Variants in FIG4 observed in about 807,000 individuals in gnomAD.
FIG4 encodes the protein polyphosphoinositide phosphatase.
FIG4 carries 112 observed loss-of-function variants against 118.6 expected under a neutral mutation model. That is an observed-to-expected ratio of 0.94 (90% confidence interval 0.81 to 1.11). The LOEUF (loss-of-function observed/expected upper bound fraction) is 1.11, where lower values mean the gene tolerates loss of function less well. Ranked by LOEUF, FIG4 falls within the 50% of genes least tolerant of loss-of-function variation. The pLI is 0.00. For missense variants in FIG4, 969 were observed against 1,111.7 expected (o/e 0.87, Z 1.83); for synonymous variants, 369 against 381.2 (o/e 0.97, Z 0.37).
chr6:109,709,318 T>C (rs1414579748), intron 1 of FIG4, among the ~76,000 whole-genome samples: 1 of 152,228 alleles, frequency 6.6e-6, no homozygotes, highest in Non-Finnish European at 1.5e-5. Context: ...TCTATTGGTC[T>C]GCGTGTCTGT....
chr6:109,820,516 A>C (rs746590250), intron 22 of FIG4, among the ~76,000 whole-genome samples: 69 of 152,022 alleles, frequency 4.5e-4, no homozygotes, highest in Non-Finnish European at 7.6e-4. Context: ...GTGGGAGTTG[A>C]GCTGGGAAAG....
intron 17 of FIG4, 102 bp from the exon 18 acceptor site, chr6:109,786,200 C>T: frequency 9.7e-7 from 1 of 1,034,406 alleles, no homozygotes. Context: ...GTATCCCCCA[C>T]AGAGCTTATC....
At position 109,759,959 on chromosome 6, in the gene FIG4, G is replaced by A. The variant is rs113252524; in HGVS notation, c.1138-291G>A. ...TCTGTCAGAGTCAGGTGTGGAGTGTGTGGGCCATGGCCCACGTTGGGTAAG... is the reference window on the plus strand; with the variant it reads ...TCTGTCAGAGTCAGGTGTGGAGTGTATGGGCCATGGCCCACGTTGGGTAAG... On this transcript the variant is annotated intron_variant, in intron 10 of 22. Coordinates refer to ENST00000230124, the MANE Select transcript of FIG4 (RefSeq NM_014845.6). 6.2e-3 allele frequency among the ~76,000 whole-genome samples: 945 copies of A among 152,294 alleles called. 15 individuals are homozygous for A. The highest frequency in any genetic ancestry group is 0.022 in the African/African-American group (898 of 41,560).
intron 14 of FIG4, among the ~76,000 whole-genome samples, chr6:109,765,858 A>G (rs937734488): frequency 2.0e-5 from 3 of 152,222 alleles, no homozygotes; most frequent in Non-Finnish European, 4.4e-5. Context: ...AAATTGTCAT[A>G]AAGGCTCAGC....
Position 109,792,637 on chromosome 6 carries a change from C to T in FIG4, c.2432C>T (p.Ser811Leu). 1 of 1,594,348 alleles carries T rather than the reference C, an allele frequency of 6.3e-7. No homozygotes were observed. Among genetic ancestry groups the T allele is most frequent in the Non-Finnish European group, 8.6e-7 (1 of 1,163,612 alleles). ...GGAATTAACCTCTCAGATGGCCTCT[C>T]AGAAGAAGATTTCTCCATTTATTCA... The part of the protein sequence containing the change: ...LYGINLSDGL[S>L]EEDFSIYSRF... Residue 811 changes from serine to leucine, a missense_variant, in exon 21 of 23, where the codon TCA (serine) becomes TTA (leucine). This residue lies in a region of FIG4 where 330 missense variants were observed against 348.1 expected (regional missense o/e 0.95). Coordinates refer to ENST00000230124, the MANE Select transcript of FIG4 (RefSeq NM_014845.6).
At position 109,738,326 on chromosome 6, in the gene FIG4, G is replaced by A. The variant is rs375618621; in HGVS notation, c.648G>A (p.Gly216=). 1.2e-6 allele frequency: 2 copies of A among 1,602,480 alleles called. No individual in the cohort carries two copies. Among genetic ancestry groups the A allele is most frequent in the Non-Finnish European group, 1.7e-6 (2 of 1,169,984 alleles). ...CTGATACAGACTTTTATTTTTCAGG[G>A]GTATTTGGGATCTGTAGTGAGCCTT... The part of the protein sequence containing the change: ...DEGLITQGGS[G]VFGICSEPYM... The change falls in exon 7 of 23, where the codon GGG becomes GGA. Residue 216 remains glycine, a splice_region_variant and synonymous_variant. Coordinates refer to ENST00000230124, the MANE Select transcript of FIG4 (RefSeq NM_014845.6).
chr6:109,757,852 A>G (rs1168404276), intron 10 of FIG4, among the ~76,000 whole-genome samples: 1 of 152,230 alleles, frequency 6.6e-6, no homozygotes, highest in Non-Finnish European at 1.5e-5. Context: ...ATGAACTCCC[A>G]TTCAGAATTG....
intron 14 of FIG4, among the ~76,000 whole-genome samples, chr6:109,766,479 G>T (rs1777282939): frequency 6.6e-6 from 1 of 152,196 alleles, no homozygotes; most frequent in Non-Finnish European, 1.5e-5. Context: ...GAAACAACCT[G>T]GTCTGGCTTT....
At chr6:109,738,545 T>TA (rs960270761) in intron 7 of FIG4, 92 bp downstream of exon 7, 2 of 1,226,464 alleles carry the variant, frequency 1.6e-6, no homozygotes, top group African/African-American at 3.0e-5. Context: ...ATGATTATAA[T>TA]ACCACTCTGT....
intron 15 of FIG4, among the ~76,000 whole-genome samples, chr6:109,770,186 G>A (rs906142378): frequency 6.6e-6 from 1 of 152,060 alleles, no homozygotes; most frequent in Non-Finnish European, 1.5e-5. Flanking sequence ...GTTAGGGAGA[G>A]CTTTTAATTC....
intron 1 of FIG4, among the ~76,000 whole-genome samples, chr6:109,697,688 G>A (rs1372448371): frequency 2.0e-5 from 3 of 152,176 alleles, no homozygotes; most frequent in Admixed American, 6.5e-5. Context: ...GGGGCCATAC[G>A]AAGGACATGA....
chr6:109,732,728 C>T (rs758372204), intron 5 of FIG4, 41 bp downstream of exon 5: 1 of 1,201,616 alleles, frequency 8.3e-7, no homozygotes, highest in South Asian at 1.2e-5. Flanking sequence ...ATCACATAAA[C>T]TTTTATATTA....
chr6:109,825,008 C>A, intron 22 of FIG4, 80 bp from the exon 23 acceptor site: 1 of 1,343,350 alleles, frequency 7.4e-7, no homozygotes, highest in Non-Finnish European at 1.1e-6. Flanking sequence ...CAGCGACTCT[C>A]AAGTGCTTCT....
chr6:109,732,969 A>G (rs112276157), intron 5 of FIG4, among the ~76,000 whole-genome samples: 1 of 152,118 alleles, frequency 6.6e-6, no homozygotes, highest in East Asian at 1.9e-4. Context: ...TGTAATCTTA[A>G]ATTACAAAAA....
In FIG4 at chr6:109,796,809, G is replaced by A. The variant is rs773468574; in HGVS notation, c.2504G>A (p.Ser835Asn). 4 of 1,612,150 alleles carry A rather than the reference G, an allele frequency of 2.5e-6. No individual in the cohort carries two copies. Among genetic ancestry groups the A allele is most frequent in the Non-Finnish European group, 3.4e-6 (4 of 1,178,318 alleles). Residue 835 changes from serine to asparagine, a missense_variant, in exon 22 of 23, where the codon AGC (serine) becomes AAC (asparagine). Coordinates refer to ENST00000230124, the MANE Select transcript of FIG4 (RefSeq NM_014845.6). Reference sequence around the variant, plus strand: ...AGTCAACATAAACAAGACAAGAATAGCCAGCAGCCCTGTTCTAGGTGCTCA... The same window carrying A: ...AGTCAACATAAACAAGACAAGAATAACCAGCAGCCCTGTTCTAGGTGCTCA... ...GQSQHKQDKN[S>N]QQPCSRCSDG...
At chr6:109,735,048 G>A (rs557101989) in intron 5 of FIG4, 102 bp from the exon 6 acceptor site, 52 of 949,606 alleles carry the variant, frequency 5.5e-5, no homozygotes, top group Admixed American at 1.9e-4. Flanking sequence ...AGTAATAGGT[G>A]CTAAGTAATT....
intron 16 of FIG4, among the ~76,000 whole-genome samples, chr6:109,780,155 A>G (rs1169144500): frequency 6.6e-6 from 1 of 152,224 alleles, no homozygotes; most frequent in Non-Finnish European, 1.5e-5. Flanking sequence ...TTCTCTGAGA[A>G]TCAGATGAGA....
chr6:109,746,712 G>C (rs1006172288), intron 10 of FIG4, among the ~76,000 whole-genome samples: 1 of 152,084 alleles, frequency 6.6e-6, no homozygotes, highest in Non-Finnish European at 1.5e-5. Flanking sequence ...ATGGTTGAGA[G>C]GATCATTGTC....
intron 12 of FIG4, among the ~76,000 whole-genome samples, chr6:109,762,901 A>C (rs764768074): frequency 3.9e-5 from 6 of 152,170 alleles, no homozygotes. Context: ...GCTATAATTT[A>C]TTATGGTGAA....
Sources: gnomAD v4.1 joint callset for allele counts (sites outside exome capture counted in the v4.1 genomes callset) on GRCh38, gnomAD v4.1.1 for gene constraint, gnomAD v4.1.1 regional missense constraint, MANE v1.5 for transcripts, NCBI Gene and HGNC (gene_info 2026-07-23, HGNC 2026-07-21) for gene names.